Variants in CNTNAP5 observed in about 807,000 individuals in gnomAD.
CNTNAP5 encodes contactin-associated protein-like 5.
A neutral mutation model predicts 150.2 loss-of-function variants in CNTNAP5; 72 were observed. The ratio of observed to expected loss-of-function variants is 0.48; its 90% CI spans 0.40 to 0.58. CNTNAP5 has a LOEUF of 0.58. Ranked by LOEUF, CNTNAP5 falls within the 20% of genes least tolerant of loss-of-function variation. The pLI, the probability that CNTNAP5 is intolerant of heterozygous loss-of-function variation, is 0.00. For synonymous variants in CNTNAP5, 672 were observed against 619.8 expected (o/e 1.08, Z -1.25); for missense variants, 1,636 against 1,626.2 (o/e 1.01, Z -0.10).
intron 13 of CNTNAP5, among the ~76,000 whole-genome samples, chr2:124,672,858 G>A (rs2105059305): frequency 6.6e-6 from 1 of 152,162 alleles, no homozygotes; most frequent in South Asian, 2.1e-4. Flanking sequence ...AATTAAAAAT[G>A]TAATAATTAA....
rs140518290 is a variant in CNTNAP5, at chr2:124,899,763, T to C, written c.3437-3119T>C. On this transcript the variant is annotated intron_variant, in intron 21 of 23. Coordinates refer to ENST00000682447, the MANE Select transcript of CNTNAP5 (RefSeq NM_001367498.1). Reference sequence around the variant, plus strand: ...AACATCCATTCTCTAACACAGCACATGAAACAGTCCCCTTATCTAACTCCA... The same window carrying C: ...AACATCCATTCTCTAACACAGCACACGAAACAGTCCCCTTATCTAACTCCA... Among the ~76,000 whole-genome samples, 86 of 151,440 alleles carry C rather than the reference T, an allele frequency of 5.7e-4. 3 individuals carry two copies. The highest frequency in any genetic ancestry group is 1.9e-3 in the African/African-American group (78 of 40,874).
intron 13 of CNTNAP5, among the ~76,000 whole-genome samples, chr2:124,715,610 C>T (rs1679928781): frequency 6.6e-6 from 1 of 152,016 alleles, no homozygotes; most frequent in African/African-American, 2.4e-5. Context: ...TATGCTGCAC[C>T]CATTAACTCG....
chr2:124,640,791 G>C lies in CNTNAP5; in HGVS notation c.1877-6967G>C, dbSNP rs78133287. ...CGCTTCAACAGAACGGTTCATAGCA[G>C]ATCAGCTTTGACTTGGAGTCAGGTA... On this transcript the variant is annotated intron_variant, in intron 12 of 23. Coordinates refer to ENST00000682447, the MANE Select transcript of CNTNAP5 (RefSeq NM_001367498.1). 2.6e-5 allele frequency among the ~76,000 whole-genome samples: 4 copies of C among 152,192 alleles called. No homozygotes were observed. The East Asian group carries it at 7.7e-4, about 29-fold the overall frequency.
intron 1 of CNTNAP5, among the ~76,000 whole-genome samples, chr2:124,092,252 T>C (rs1682832926): frequency 6.6e-6 from 1 of 152,216 alleles, no homozygotes; most frequent in Non-Finnish European, 1.5e-5. Context: ...GTTACATTTC[T>C]GTGGGGAAGA....
At chr2:124,376,989 G>A (rs893043143) in intron 3 of CNTNAP5, among the ~76,000 whole-genome samples, 2 of 152,088 alleles carry the variant, frequency 1.3e-5, no homozygotes, top group Non-Finnish European at 2.9e-5. Context: ...ATGTGAGCCT[G>A]TGTCTTGTGT....
At chr2:124,264,461 G>A (rs1415539052) in intron 3 of CNTNAP5, among the ~76,000 whole-genome samples, 2 of 150,808 alleles carry the variant, frequency 1.3e-5, no homozygotes, top group Non-Finnish European at 2.9e-5. Flanking sequence ...ATCAAGATTA[G>A]GTTCAAAGAC....
At chr2:124,669,261 T>C (rs1188565910) in intron 13 of CNTNAP5, among the ~76,000 whole-genome samples, 4 of 152,238 alleles carry the variant, frequency 2.6e-5, no homozygotes, top group African/African-American at 4.8e-5. Context: ...TTCATATCCT[T>C]TCTTATCAAA....
rs1329871835 is a variant in CNTNAP5, at chr2:124,133,222, A to G, written c.83-88483A>G. Among the ~76,000 whole-genome samples, 3 of 152,256 alleles carry G rather than the reference A, an allele frequency of 2.0e-5. No individual in the cohort carries two copies. The East Asian group carries it at 5.8e-4, about 29-fold the overall frequency. On this transcript the variant is annotated intron_variant, in intron 1 of 23. Coordinates refer to ENST00000682447, the MANE Select transcript of CNTNAP5 (RefSeq NM_001367498.1). ...GTGACAAAGTGAAATTCACACTCAG[A>G]TATTTCCATTCCGCTCCATAGCTCC...
chr2:124,244,512 G>A (rs779986), intron 3 of CNTNAP5, among the ~76,000 whole-genome samples: 59,039 of 151,886 alleles, frequency 0.39, 11,718 homozygotes, highest in East Asian at 0.6. Flanking sequence ...AGGGCCCTCC[G>A]TCTACAGTGA....
rs181022390 is a variant in CNTNAP5, at chr2:124,293,681, A to T, written c.381+51288A>T. Among the ~76,000 whole-genome samples, 146 of 152,266 alleles carry T rather than the reference A, an allele frequency of 9.6e-4. 2 individuals are homozygous for T. Among genetic ancestry groups the T allele is most frequent in the Middle Eastern group, 6.8e-3 (2 of 294 alleles). Reference sequence around the variant, plus strand: ...TGCATTATGCATACTTCTCTCTGAAAGGAAAAGAAAGAAAAGATCTTGTTC... The same window carrying T: ...TGCATTATGCATACTTCTCTCTGAATGGAAAAGAAAGAAAAGATCTTGTTC... On this transcript the variant is annotated intron_variant, in intron 3 of 23. Coordinates refer to ENST00000682447, the MANE Select transcript of CNTNAP5 (RefSeq NM_001367498.1).
In CNTNAP5 at chr2:124,706,896, A is replaced by AGAAGGAGAAGGAGAAGAGGAAGAG. The variant is rs1558743214; in HGVS notation, c.2078-40329_2078-40328insGAGAAGGAGAAGAGGAAGAGGAAG. Among the ~76,000 whole-genome samples, 17 of 91,950 alleles carry AGAAGGAGAAGGAGAAGAGGAAGAG rather than the reference A, an allele frequency of 1.8e-4. 1 individual carries two copies. Among genetic ancestry groups the AGAAGGAGAAGGAGAAGAGGAAGAG allele is most frequent in the East Asian group, 1.6e-3 (5 of 3,042 alleles). 60.3% of individuals were successfully genotyped at this position (91,950 alleles called of 152,430 possible). ...AAAGGGAAGAAGAAGAGGAAGAGGAAGAAGAAGGAGGAGGAGGAGGAGAAG... is the reference window on the plus strand; with the variant it reads ...AAAGGGAAGAAGAAGAGGAAGAGGAAGAAGGAGAAGGAGAAGAGGAAGAGGAAGAAGGAGGAGGAGGAGGAGAAG... On this transcript the variant is annotated intron_variant, in intron 13 of 23. Transcript: ENST00000682447.
intron 6 of CNTNAP5, among the ~76,000 whole-genome samples, chr2:124,470,633 A>C (rs1297299218): frequency 6.6e-6 from 1 of 151,958 alleles, no homozygotes; most frequent in Non-Finnish European, 1.5e-5. Context: ...TCGTTATGAA[A>C]TCTTTGCCTG....
chr2:124,073,874 G>A (rs186937541), intron 1 of CNTNAP5, among the ~76,000 whole-genome samples: 1 of 152,074 alleles, frequency 6.6e-6, no homozygotes, highest in South Asian at 2.1e-4. Context: ...ATATTGAATA[G>A]GTATCTGCAT....
At chr2:124,653,391 T>G (rs1176832024) in intron 13 of CNTNAP5, among the ~76,000 whole-genome samples, 1 of 151,294 alleles carries the variant, frequency 6.6e-6, no homozygotes, top group Non-Finnish European at 1.5e-5. Context: ...AATATATATG[T>G]GTCTGTATGA....
intron 19 of CNTNAP5, among the ~76,000 whole-genome samples, chr2:124,810,057 A>G (rs1233248075): frequency 6.6e-6 from 1 of 152,194 alleles, no homozygotes; most frequent in Non-Finnish European, 1.5e-5. Context: ...CTGGAATCCT[A>G]TGTTTAGTCA....
chr2:124,800,772 G>T lies in CNTNAP5; in HGVS notation c.3217+2452G>T, dbSNP rs78426219. ...CCTGGCTACATGCAGGAATCAAGAA[G>T]GTACTTGTGCCTTGTTTGTATGATT... On this transcript the variant is annotated intron_variant, in intron 19 of 23. Transcript: ENST00000682447. 3.3e-3 allele frequency among the ~76,000 whole-genome samples: 508 copies of T among 152,228 alleles called. 15 individuals carry two copies. In the East Asian group the frequency reaches 0.061, roughly 18 times the overall value.
intron 17 of CNTNAP5, 107 bp from the exon 18 acceptor site, chr2:124,789,795 T>C (rs1470229858): frequency 9.8e-7 from 1 of 1,017,404 alleles, no homozygotes. Context: ...AATTTAGACC[T>C]TCATGACAAC....
At position 124,763,653 on chromosome 2, in the gene CNTNAP5, T is replaced by C; in HGVS notation, c.2235-19T>C. The C allele has an allele frequency of 1.9e-6, 3 of 1,605,842 alleles. No individual in the cohort carries two copies. Among genetic ancestry groups the C allele is most frequent in the Non-Finnish European group, 2.6e-6 (3 of 1,175,734 alleles). ...ATCCACATTTTGTCCTCTTTTTTTC[T>C]TAAATTTATGTTTTGCAGGACAAAT... On this transcript the variant is annotated intron_variant, in intron 14 of 23. Coordinates refer to ENST00000682447, the MANE Select transcript of CNTNAP5 (RefSeq NM_001367498.1).
intron 6 of CNTNAP5, among the ~76,000 whole-genome samples, chr2:124,471,064 C>T (rs76488214): frequency 2.8e-4 from 42 of 151,862 alleles, no homozygotes; most frequent in African/African-American, 9.4e-4. Flanking sequence ...ACTCTTTTTT[C>T]GTTTCATATA....
Sources: gnomAD v4.1 joint callset for allele counts (sites outside exome capture counted in the v4.1 genomes callset) on GRCh38, gnomAD v4.1.1 for gene constraint, MANE v1.5 for transcripts, NCBI Gene and HGNC (gene_info 2026-07-23, HGNC 2026-07-21) for gene names.